ABCA13: variants seen among roughly 807,000 people sequenced by gnomAD.
ABCA13 encodes ATP-binding cassette sub-family A member 13.
ABCA13 carries 476 observed loss-of-function variants against 478.7 expected under a neutral mutation model. That is an observed-to-expected ratio of 0.99 (90% CI 0.92 to 1.07). The LOEUF is 1.07. Ranked by LOEUF, ABCA13 falls within the 50% of genes least tolerant of loss-of-function variation. ABCA13 has a pLI of 0.00. For synonymous variants in ABCA13, 2,252 were observed against 2,158.9 expected, an observed-to-expected ratio of 1.04 and a Z score of -1.20; for missense variants, 6,060 against 5,910.6, an observed-to-expected ratio of 1.03 and a Z score of -0.83.
At chr7:48,358,260 G>C (rs1422266904) in intron 31 of ABCA13, among the ~76,000 whole-genome samples, 2 of 112,366 alleles carry the variant, frequency 1.8e-5, no homozygotes, top group Admixed American at 1.9e-4. Flanking sequence ...GGGAGGGGAG[G>C]GGAGGGGACA....
intron 41 of ABCA13, among the ~76,000 whole-genome samples, chr7:48,415,949 A>G (rs941177457): frequency 1.3e-5 from 2 of 151,350 alleles, no homozygotes; most frequent in African/African-American, 2.4e-5. Context: ...TTCCTTCCCT[A>G]CCTCTCTCTT....
intron 3 of ABCA13, among the ~76,000 whole-genome samples, chr7:48,209,678 T>A (rs1785372696): frequency 6.6e-6 from 1 of 152,218 alleles, no homozygotes; most frequent in Non-Finnish European, 1.5e-5. Flanking sequence ...TATTCTATGT[T>A]CATGGATTGC....
At chr7:48,192,782 C>T (rs1254702761) in intron 1 of ABCA13, among the ~76,000 whole-genome samples, 177 bp from the exon 2 acceptor site, 1 of 152,110 alleles carries the variant, frequency 6.6e-6, no homozygotes, top group Non-Finnish European at 1.5e-5. Flanking sequence ...AAGGAGATGA[C>T]ACCGTCACAG....
chr7:48,383,458 C>T (rs954756698), intron 35 of ABCA13, among the ~76,000 whole-genome samples: 4 of 152,168 alleles, frequency 2.6e-5, no homozygotes, highest in African/African-American at 7.2e-5. Context: ...TATCTTTGTA[C>T]GACTTCCACT....
chr7:48,395,883 A>T (rs1036422709), intron 38 of ABCA13, among the ~76,000 whole-genome samples: 1 of 152,240 alleles, frequency 6.6e-6, no homozygotes, highest in African/African-American at 2.4e-5. Flanking sequence ...GTTGAAAGTT[A>T]TACACAGATT....
intron 23 of ABCA13, among the ~76,000 whole-genome samples, chr7:48,300,382 G>A (rs923332491): frequency 5.9e-5 from 9 of 152,230 alleles, no homozygotes; most frequent in African/African-American, 2.2e-4. Flanking sequence ...CAAAGCCCGT[G>A]CTCCAAGGGA....
At chr7:48,619,872 G>GA in intron 59 of ABCA13, among the ~76,000 whole-genome samples, 1 of 152,282 alleles carries the variant, frequency 6.6e-6, no homozygotes, top group African/African-American at 2.4e-5. Context: ...ATATCACAGG[G>GA]AAAGGGCACC....
intron 42 of ABCA13, among the ~76,000 whole-genome samples, chr7:48,449,234 T>C (rs191899449): frequency 6.6e-6 from 1 of 152,324 alleles, no homozygotes; most frequent in Admixed American, 6.5e-5. Context: ...AAAACATTCT[T>C]TTATTTTCTT....
intron 35 of ABCA13, among the ~76,000 whole-genome samples, chr7:48,383,903 C>G (rs561865455): frequency 5.9e-5 from 9 of 152,298 alleles, no homozygotes; most frequent in African/African-American, 2.2e-4. Flanking sequence ...AATGGCTGCT[C>G]AACATTTCAT....
chr7:48,275,999 G>A lies in ABCA13; in HGVS notation c.6333G>A (p.Pro2111=), dbSNP rs368987851. The A allele has an allele frequency of 6.8e-5, 109 of 1,612,500 alleles. No homozygotes were observed. In the African/African-American group the frequency reaches 8.1e-4, roughly 12 times the overall value. The change falls in exon 17 of 62, where the codon CCG becomes CCA. Residue 2111 remains proline (P), a synonymous_variant. Coordinates refer to ENST00000435803, the MANE Select transcript of ABCA13 (RefSeq NM_152701.5). ...FAHFLEILDS[P]SLKTLEIIED... Reference sequence around the variant, plus strand: ...ATTTCCTGGAAATCCTGGATTCACCGTCATTGAAGACATTAGAAATTATTG... The same window carrying A: ...ATTTCCTGGAAATCCTGGATTCACCATCATTGAAGACATTAGAAATTATTG...
At chr7:48,445,073 A>C (rs1228828803) in intron 42 of ABCA13, among the ~76,000 whole-genome samples, 1 of 149,170 alleles carries the variant, frequency 6.7e-6, no homozygotes, top group Non-Finnish European at 1.5e-5. Flanking sequence ...CAATGGCGAG[A>C]TCTCAGCTCA....
rs1020431477 is a variant in ABCA13 at position 48,502,590 on chromosome 7, C to G, written c.13292-3746C>G. On this transcript the variant is annotated intron_variant, in intron 48 of 61. Coordinates refer to ENST00000435803, the MANE Select transcript of ABCA13 (RefSeq NM_152701.5). The stretch of plus-strand genomic sequence containing the variant: ...CTGTATGGCTATAGTCTTAGGAAAA[C>G]CAGACACGTGTGCTGAAGAAGGGTG... Among the ~76,000 whole-genome samples the G allele has an allele frequency of 2.0e-5, 3 of 152,266 alleles. No homozygotes were observed. The East Asian group carries it at 5.8e-4, about 29-fold the overall frequency.
chr7:48,575,390 G>T (rs1225476176), intron 55 of ABCA13, among the ~76,000 whole-genome samples: 1 of 152,112 alleles, frequency 6.6e-6, no homozygotes, highest in East Asian at 1.9e-4. Flanking sequence ...CATGATAAAT[G>T]TGCTAGCTGA....
At chr7:48,540,038 G>C (rs1322574195) in intron 55 of ABCA13, among the ~76,000 whole-genome samples, 1 of 152,138 alleles carries the variant, frequency 6.6e-6, no homozygotes, top group Non-Finnish European at 1.5e-5. Context: ...GTTTGAGGTT[G>C]GTATGTGTAA....
intron 26 of ABCA13, 122 bp from the exon 27 acceptor site, chr7:48,317,035 G>T: frequency 8.4e-7 from 1 of 1,195,748 alleles, no homozygotes. Flanking sequence ...GTTCAGAGTG[G>T]TGTCAGAAAA....
At chr7:48,520,691 A>C (rs978382647) in intron 53 of ABCA13, among the ~76,000 whole-genome samples, 3 of 152,086 alleles carry the variant, frequency 2.0e-5, no homozygotes, top group Admixed American at 6.6e-5. Flanking sequence ...TCTGAATGCT[A>C]TCCCTCCCCT....
chr7:48,515,074 T>G (rs887508002), intron 51 of ABCA13, among the ~76,000 whole-genome samples: 2 of 152,202 alleles, frequency 1.3e-5, no homozygotes, highest in Non-Finnish European at 2.9e-5. Flanking sequence ...AAGAGTTAAC[T>G]TGAGGGCCTG....
chr7:48,369,046 G>T (rs537860783), intron 32 of ABCA13, among the ~76,000 whole-genome samples: 2 of 151,718 alleles, frequency 1.3e-5, no homozygotes, highest in Non-Finnish European at 2.9e-5. Context: ...CTTTTTCACC[G>T]CATCCATGCC....
At position 48,272,529 on chromosome 7, in the gene ABCA13, G is replaced by T. The variant is rs938118550; in HGVS notation, c.2863G>T (p.Asp955Tyr). The T allele has an allele frequency of 2.5e-5, 40 of 1,613,576 alleles. No individual in the cohort carries two copies. Among genetic ancestry groups the T allele is most frequent in the Non-Finnish European group, 3.4e-5 (40 of 1,179,756 alleles). ...LTHIHLNVFQ[D>Y]KDSALLLQIY... Reference sequence around the variant, plus strand: ...TCACATACACCTAAATGTCTTCCAGGACAAGGATTCAGCTTTACTTCTGCA... The same window carrying T: ...TCACATACACCTAAATGTCTTCCAGTACAAGGATTCAGCTTTACTTCTGCA... The change falls in exon 17 of 62, where the codon GAC becomes TAC. Residue 955 changes from aspartate to tyrosine, a missense_variant. Transcript: ENST00000435803.
Sources: allele counts gnomAD v4.1 joint callset (sites outside exome capture counted in the v4.1 genomes callset), GRCh38; gene constraint gnomAD v4.1.1; transcripts MANE v1.5; gene names NCBI Gene and HGNC (gene_info 2026-07-23, HGNC 2026-07-21).